The following RBFOX2 variants were observed in gnomAD, a reference collection of about 807,000 sequenced individuals.
RBFOX2 encodes RNA binding protein fox-1 homolog 2.
RBFOX2 carries 10 observed loss-of-function variants against 49.1 expected under a neutral mutation model. That is an observed-to-expected ratio of 0.20 (90% CI 0.13 to 0.35). The LOEUF (loss-of-function observed/expected upper bound fraction) is 0.35. Among genes scored for constraint, RBFOX2 ranks in the 10% least tolerant of loss-of-function variants. The probability of loss-of-function intolerance (pLI) is 1.00; values close to 1 mark genes in which losing one functional copy is unlikely to be tolerated. For synonymous variants in RBFOX2, 183 were observed against 187.4 expected, an observed-to-expected ratio of 0.98 and a Z score of 0.19; for missense variants, 323 against 486.9, an observed-to-expected ratio of 0.66 and a Z score of 3.17.
chr22:36,028,428 G>C, exon 1 of RBFOX2: 1 of 1,211,390 alleles, frequency 8.3e-7, no homozygotes, highest in Non-Finnish European at 1.0e-6. Flanking sequence ...TCCGCCATCC[G>C]CCCGCGCCCC....
At chr22:35,916,766 T>C (rs959809870) in intron 1 of RBFOX2, among the ~76,000 whole-genome samples, 4 of 152,002 alleles carry the variant, frequency 2.6e-5, no homozygotes, top group South Asian at 4.2e-4. Flanking sequence ...TGGTGGCTCA[T>C]GCCTGTAATC....
intron 1 of RBFOX2, among the ~76,000 whole-genome samples, chr22:35,982,896 T>C (rs1358564336): frequency 1.3e-5 from 2 of 152,058 alleles, no homozygotes; most frequent in South Asian, 2.1e-4. Context: ...AGCCCTACCA[T>C]TGAGCTCCAG....
chr22:35,954,868 T>C (rs1004074093), intron 1 of RBFOX2, among the ~76,000 whole-genome samples: 3 of 152,142 alleles, frequency 2.0e-5, no homozygotes, highest in African/African-American at 4.8e-5. Context: ...AGAACCAGTG[T>C]ACATGGTTGA....
chr22:35,797,801 T>G (rs1411563015), intron 2 of RBFOX2, among the ~76,000 whole-genome samples: 2 of 152,204 alleles, frequency 1.3e-5, no homozygotes, highest in South Asian at 2.1e-4. Context: ...CAGTGATCTG[T>G]GGACCACACA....
At chr22:35,946,491 T>G (rs1359968682) in intron 1 of RBFOX2, among the ~76,000 whole-genome samples, 1 of 152,174 alleles carries the variant, frequency 6.6e-6, no homozygotes, top group Non-Finnish European at 1.5e-5. Flanking sequence ...AGTTGTGACA[T>G]CCAATGAGAT....
At chr22:35,815,788 G>A (rs1315777652) in intron 1 of RBFOX2, among the ~76,000 whole-genome samples, 2 of 152,066 alleles carry the variant, frequency 1.3e-5, no homozygotes, top group Non-Finnish European at 2.9e-5. Flanking sequence ...AATTTTCTAG[G>A]ATTATAATAC....
At chr22:35,872,950 C>T (rs2044552459) in intron 1 of RBFOX2, among the ~76,000 whole-genome samples, 1 of 152,144 alleles carries the variant, frequency 6.6e-6, no homozygotes, top group African/African-American at 2.4e-5. Flanking sequence ...CCAGCACTTC[C>T]CTGACCCCCT....
intron 4 of RBFOX2, among the ~76,000 whole-genome samples, chr22:35,774,630 A>C (rs1943457940): frequency 1.3e-5 from 2 of 152,198 alleles, no homozygotes; most frequent in Admixed American, 6.5e-5. Context: ...CAAATCTAGA[A>C]TATGAAGGCA....
intron 1 of RBFOX2, among the ~76,000 whole-genome samples, chr22:36,023,733 T>C (rs1332034385): frequency 6.6e-6 from 1 of 152,214 alleles, no homozygotes; most frequent in Non-Finnish European, 1.5e-5. Flanking sequence ...GTTGAGTTTG[T>C]CACTTCCCTC....
chr22:35,904,246 G>A (rs903347143), intron 1 of RBFOX2, among the ~76,000 whole-genome samples: 4 of 151,780 alleles, frequency 2.6e-5, no homozygotes, highest in African/African-American at 9.7e-5. Flanking sequence ...CCACAAGCCC[G>A]TACTCTCTGT....
intron 10 of RBFOX2, 99 bp downstream of exon 12, chr22:35,746,374 A>G: frequency 8.9e-7 from 1 of 1,117,750 alleles, no homozygotes; most frequent in Non-Finnish European, 1.3e-6. Context: ...CGATGTGCTA[A>G]GAGCTGCTGT....
chr22:35,771,224 G>A (rs1266576601), intron 4 of RBFOX2, among the ~76,000 whole-genome samples: 5 of 152,132 alleles, frequency 3.3e-5, no homozygotes, highest in Non-Finnish European at 7.4e-5. Context: ...ATCCAGTTGG[G>A]CCCAATGTAA....
chr22:35,912,470 T>A (rs1432393057), intron 1 of RBFOX2, among the ~76,000 whole-genome samples: 1 of 152,214 alleles, frequency 6.6e-6, no homozygotes, highest in Non-Finnish European at 1.5e-5. Context: ...CTTTAAGGCC[T>A]ACCTCTTCCT....
rs1944327409 is a variant in RBFOX2, at chr22:35,777,950, C to G, written c.453+75G>C. ...CAGGCTTGAAAACAGCTTATGTTTT[C>G]TGAATACTTGCTATTTAAAATAACA... is the stretch of plus-strand genomic sequence containing the variant. On this transcript the variant is annotated intron_variant, in intron 4 of 11. Coordinates refer to ENST00000405409, the Ensembl canonical transcript of RBFOX2. The G allele has an allele frequency of 3.6e-6, 5 of 1,397,068 alleles. No homozygotes were observed. In the South Asian group the frequency reaches 4.9e-5, roughly 14 times the overall value. 86.5% of individuals were successfully genotyped at this position (1,397,068 alleles called of 1,614,324 possible). A position where few individuals can be genotyped will look rare whatever the true frequency, so the allele number is the denominator to read the frequency against.
chr22:35,809,130 G>T (rs1951327124), intron 2 of RBFOX2, among the ~76,000 whole-genome samples: 1 of 151,488 alleles, frequency 6.6e-6, no homozygotes. Context: ...GGAAATAAGT[G>T]ATGAGGTTTG....
At chr22:36,020,756 G>C (rs1371284371) in intron 1 of RBFOX2, among the ~76,000 whole-genome samples, 1 of 152,208 alleles carries the variant, frequency 6.6e-6, no homozygotes, top group African/African-American at 2.4e-5. Context: ...ACAGGTGCTG[G>C]AGAGGATGTG....
At chr22:35,902,582 T>G (rs1429091358) in intron 1 of RBFOX2, among the ~76,000 whole-genome samples, 1 of 152,068 alleles carries the variant, frequency 6.6e-6, no homozygotes, top group African/African-American at 2.4e-5. Flanking sequence ...TATTTCTTGC[T>G]TCTCCTCAAA....
intron 1 of RBFOX2, among the ~76,000 whole-genome samples, chr22:35,908,261 T>G (rs755660843): frequency 6.6e-6 from 1 of 152,214 alleles, no homozygotes; most frequent in Admixed American, 6.5e-5. Flanking sequence ...CAAACCCAAA[T>G]AGAGAACAAA....
At chr22:36,017,209 C>T (rs898979738) in intron 1 of RBFOX2, among the ~76,000 whole-genome samples, 36 of 152,076 alleles carry the variant, frequency 2.4e-4, no homozygotes, top group Admixed American at 2.2e-3. Flanking sequence ...GAAGTGTCTC[C>T]GCTTGGTATT....
Sources: allele counts gnomAD v4.1 joint callset (sites outside exome capture counted in the v4.1 genomes callset), GRCh38; gene constraint gnomAD v4.1.1; transcripts MANE v1.5; gene names NCBI Gene and HGNC (gene_info 2026-07-23, HGNC 2026-07-21).